COL6A3: variants seen among roughly 807,000 people sequenced by gnomAD.
The protein encoded by COL6A3 is collagen alpha-3(VI) chain.
COL6A3 carries 137 observed loss-of-function variants against 274.1 expected under a neutral mutation model. The ratio of observed to expected loss-of-function variants is 0.50; its 90% CI spans 0.44 to 0.58. COL6A3 has a LOEUF of 0.58. Ranked by LOEUF, COL6A3 falls within the 20% of genes least tolerant of loss-of-function variation. The pLI, the probability that COL6A3 is intolerant of heterozygous loss-of-function variation, is 0.00. For missense variants in COL6A3, 3,950 were observed against 4,124.9 expected, an observed-to-expected ratio of 0.96 and a Z score of 1.16; for synonymous variants, 1,650 against 1,650.6, an observed-to-expected ratio of 1.00 and a Z score of 0.01.
chr2:237,370,041 T>G (rs920235718), intron 9 of COL6A3, among the ~76,000 whole-genome samples: 1 of 151,708 alleles, frequency 6.6e-6, no homozygotes, highest in Non-Finnish European at 1.5e-5. Flanking sequence ...TTTTTTTAAT[T>G]TTTTGGATGA....
chr2:237,396,309 G>C (rs1462084881), intron 2 of COL6A3, among the ~76,000 whole-genome samples: 2 of 152,210 alleles, frequency 1.3e-5, no homozygotes, highest in South Asian at 2.1e-4. Context: ...TGGAGTTAGA[G>C]AGAGAGGGTG....
rs202086524 is a variant in COL6A3, at chr2:237,366,793, G to A, written c.5394C>T (p.Arg1798=). 135 of 1,614,254 alleles carry A rather than the reference G, an allele frequency of 8.4e-5. No homozygotes were observed. The highest frequency in any genetic ancestry group is 4.9e-4 in the Middle Eastern group (3 of 6,062). Residue 1798 remains arginine (R), a synonymous_variant, in exon 11 of 44, where the codon CGC becomes CGT. Coordinates refer to ENST00000295550, the MANE Select transcript of COL6A3 (RefSeq NM_004369.4). ...KIASNSATAF[R]VGNVQELSEL... ...CGGACAGCTCCTGGACGTTGCCCACGCGGAACGCTGTGGCGCTGTTGGACG... is the reference window on the plus strand; with the variant it reads ...CGGACAGCTCCTGGACGTTGCCCACACGGAACGCTGTGGCGCTGTTGGACG...
Position 237,351,189 on chromosome 2 carries a change from T to C in COL6A3, c.6757A>G (p.Ser2253Gly). The change falls in exon 27 of 44, where the codon AGC becomes GGC. Residue 2253 changes from serine to glycine, a missense_variant. Coordinates refer to ENST00000295550, the MANE Select transcript of COL6A3 (RefSeq NM_004369.4). ...CCAGGAGCACCAGCGGCACCTCCGC[T>C]TCCCTGGAGCAGGAGGGGAGGAATG... ...GEQGISGPRG[S>G]GGAAGAPGER... 1 of 1,614,152 alleles carries C rather than the reference T, an allele frequency of 6.2e-7. No homozygotes were observed. The highest frequency in any genetic ancestry group is 8.5e-7 in the Non-Finnish European group (1 of 1,179,986).
Position 237,363,435 on chromosome 2 carries a change from G to C in COL6A3, c.5918-37C>G, listed in dbSNP as rs915856041. On this transcript the variant is annotated intron_variant, in intron 13 of 43. Coordinates refer to ENST00000295550, the MANE Select transcript of COL6A3 (RefSeq NM_004369.4). ...GACACATTTAATACAGCTCACCTAG[G>C]CATGTGGAAAATGCAATGTCCTTTT... 9 of 1,613,208 alleles carry C rather than the reference G, an allele frequency of 5.6e-6. No homozygotes were observed. The African/African-American group carries it at 1.2e-4, about 22-fold the overall frequency.
At chr2:237,373,970 T>C (rs1013879157) in intron 8 of COL6A3, among the ~76,000 whole-genome samples, 1 of 152,196 alleles carries the variant, frequency 6.6e-6, no homozygotes, top group African/African-American at 2.4e-5. Flanking sequence ...ATACCAATAT[T>C]TCAGAGTCTA....
chr2:237,342,407 G>T (rs1040579958), intron 36 of COL6A3: 16 of 535,104 alleles, frequency 3.0e-5, no homozygotes, highest in African/African-American at 2.5e-4. Context: ...GTTTTTTTCA[G>T]CTGTAAAATG....
chr2:237,369,142 T>C lies in COL6A3; in HGVS notation c.4321A>G (p.Ile1441Val), dbSNP rs1275023946. The C allele has an allele frequency of 6.2e-7, 1 of 1,613,422 alleles. No homozygotes were observed. The highest frequency in any genetic ancestry group is 1.3e-5 in the African/African-American group (1 of 74,914). The part of the protein sequence containing the change: ...ESDAADIVFL[I>V]DSSEGVRPDG... Reference sequence around the variant, plus strand: ...GGCCTAACTCCCTCAGAGCTGTCGATCAGAAAGACAATGTCTGCAGCATCA... The same window carrying C: ...GGCCTAACTCCCTCAGAGCTGTCGACCAGAAAGACAATGTCTGCAGCATCA... The change falls in exon 10 of 44, where the codon ATC becomes GTC. Residue 1441 changes from isoleucine to valine, a missense_variant. Physicochemically the swap from Ile to Val is conservative, Grantham distance 29. Coordinates refer to ENST00000295550, the MANE Select transcript of COL6A3 (RefSeq NM_004369.4).
At chr2:237,385,260 G>A (rs1185313925) in intron 4 of COL6A3, among the ~76,000 whole-genome samples, 1 of 152,160 alleles carries the variant, frequency 6.6e-6, no homozygotes, top group Non-Finnish European at 1.5e-5. Context: ...CATATCTCTA[G>A]TGCTTGGCAT....
At chr2:237,383,811 C>T (rs1392566489) in intron 4 of COL6A3, among the ~76,000 whole-genome samples, 2 of 152,032 alleles carry the variant, frequency 1.3e-5, no homozygotes, top group Non-Finnish European at 2.9e-5. Context: ...CCTACCACTG[C>T]ATCACTAAAA....
intron 42 of COL6A3, chr2:237,327,162 G>T (rs1345300860): frequency 6.6e-6 from 1 of 152,248 alleles, no homozygotes; most frequent in Non-Finnish European, 1.5e-5. Context: ...GAACTGACAA[G>T]GCAAGGTAAT....
Position 237,333,289 on chromosome 2 carries a change from T to A in COL6A3, c.9328+161A>T, listed in dbSNP as rs1700359045. The stretch of plus-strand genomic sequence containing the variant: ...GTAAGACTCCATTTACACCTGGGAT[T>A]ATGCAGAATAAGATGATGTTGGGCT... On this transcript the variant is annotated intron_variant, in intron 42 of 43. Coordinates refer to ENST00000295550, the MANE Select transcript of COL6A3 (RefSeq NM_004369.4). 4 of 702,662 alleles carry A rather than the reference T, an allele frequency of 5.7e-6. No individual in the cohort carries two copies. In the Admixed American group the frequency reaches 6.2e-5, roughly 11 times the overall value. 43.5% of individuals were successfully genotyped at this position (702,662 alleles called of 1,614,324 possible).
At position 237,395,017 on chromosome 2, in the gene COL6A3, T is replaced by A; in HGVS notation, c.279A>T (p.Leu93Phe). ...FNGNPHTEFL[L>F]NTYRTKQEVL... ...CTTCTTGTTTAGTACGATACGTATT[T>A]AACAGGAACTCGGTATGTGGGTTTC... Residue 93 changes from leucine to phenylalanine, a missense_variant, in exon 3 of 44, where the codon TTA (leucine) becomes TTT (phenylalanine). Around this residue, in one of 5 missense-constraint regions of COL6A3, gnomAD observed 1,934 missense variants for 1,984.3 expected, o/e 0.97. Coordinates refer to ENST00000295550, the MANE Select transcript of COL6A3 (RefSeq NM_004369.4). 1.2e-6 allele frequency: 2 copies of A among 1,614,132 alleles called. No homozygotes were observed. Among genetic ancestry groups the A allele is most frequent in the Non-Finnish European group, 1.7e-6 (2 of 1,179,982 alleles).
At chr2:237,355,861 A>C (rs2106337609) in intron 23 of COL6A3, 1 of 152,316 alleles carries the variant, frequency 6.6e-6, no homozygotes, top group Middle Eastern at 3.4e-3. Flanking sequence ...TCCTCTACAA[A>C]CCAACAATCT....
At chr2:237,389,092 G>T (rs1407269967) in intron 3 of COL6A3, among the ~76,000 whole-genome samples, 1 of 152,142 alleles carries the variant, frequency 6.6e-6, no homozygotes, top group East Asian at 1.9e-4. Context: ...ATTAGAATTA[G>T]CCTGGGGTTA....
Position 237,350,188 on chromosome 2 carries a change from G to A in COL6A3, c.6838C>T (p.Pro2280Ser). 2.5e-6 allele frequency: 4 copies of A among 1,614,062 alleles called. No individual in the cohort carries two copies. Among genetic ancestry groups the A allele is most frequent in the Non-Finnish European group, 3.4e-6 (4 of 1,180,000 alleles). ...CCCCGGTTCCCGATTCCTCCTTTTG[G>A]TCCTGGCTCTCCGGGCTCACCCTAG... ...GRKGEPGEPG[P>S]KGGIGNRGPR... is the part of the protein sequence containing the mutation. The change falls in exon 28 of 44, where the codon CCA becomes TCA. Residue 2280 changes from proline to serine, a missense_variant. Pro to Ser is a moderately conservative substitution (Grantham distance 74). This residue lies in a region of COL6A3 where 1,284 missense variants were observed against 1,349.7 expected (regional missense o/e 0.95). Transcript: ENST00000295550.
At chr2:237,360,869 C>T (rs1415236171) in intron 16 of COL6A3, among the ~76,000 whole-genome samples, 3 of 152,180 alleles carry the variant, frequency 2.0e-5, no homozygotes, top group African/African-American at 7.2e-5. Flanking sequence ...GTCCCTCTGG[C>T]TCAGAAACCA....
Position 237,340,554 on chromosome 2 carries a change from T to G in COL6A3, c.8362A>C (p.Ser2788Arg). ...VNIKEVYTFA[S>R]EPNDVFFKLV... ...TTGAAGAAGACGTCGTTTGGCTCAC[T>G]GGCGAAGGTGTATACCTCCTTGATG... Residue 2788 changes from serine (S) to arginine (R), a missense_variant, in exon 38 of 44, where the codon AGT becomes CGT. By Grantham distance (110) the Ser-to-Arg change is moderately radical (BLOSUM62 -1). Around this residue, in one of 5 missense-constraint regions of COL6A3, gnomAD observed 1,284 missense variants for 1,349.7 expected, o/e 0.95. Coordinates refer to ENST00000295550, the MANE Select transcript of COL6A3 (RefSeq NM_004369.4). 1 of 1,614,202 alleles carries G rather than the reference T, an allele frequency of 6.2e-7. No homozygotes were observed.
intron 3 of COL6A3, among the ~76,000 whole-genome samples, chr2:237,389,002 A>G (rs1226931115): frequency 6.6e-6 from 1 of 152,238 alleles, no homozygotes; most frequent in Non-Finnish European, 1.5e-5. Context: ...GAAACCGGTC[A>G]TGACATAATT....
chr2:237,357,098 T>C (rs951209842), intron 23 of COL6A3: 2 of 611,236 alleles, frequency 3.3e-6, no homozygotes, highest in African/African-American at 3.7e-5. Context: ...GCAAAGATAT[T>C]ATTTTTAAAA....
Sources: allele counts gnomAD v4.1 joint callset (sites outside exome capture counted in the v4.1 genomes callset), GRCh38; gene constraint gnomAD v4.1.1; regional missense constraint gnomAD v4.1.1; transcripts MANE v1.5; gene names NCBI Gene and HGNC (gene_info 2026-07-23, HGNC 2026-07-21).